Variants in BOC observed in about 807,000 individuals in gnomAD.
BOC encodes brother of CDO.
In BOC, 76 loss-of-function variants were observed where a neutral mutation model predicts 112.0. The ratio of observed to expected loss-of-function variants is 0.68; its 90% CI spans 0.56 to 0.82. BOC has a LOEUF of 0.82. BOC is among the 40% of genes least tolerant of loss of function. The pLI, the probability that BOC is intolerant of heterozygous loss-of-function variation, is 0.00. For missense variants in BOC, 1,309 were observed against 1,511.7 expected (o/e 0.87, Z 2.22); for synonymous variants, 580 against 599.8 (o/e 0.97, Z 0.48).
intron 4 of BOC, among the ~76,000 whole-genome samples, chr3:113,265,047 G>A (rs1295039569): frequency 1.3e-5 from 2 of 152,186 alleles, no homozygotes; most frequent in Non-Finnish European, 2.9e-5. Flanking sequence ...CTCCCCCACT[G>A]CACAGCCTTC....
At chr3:113,280,225 C>T (rs1949065077) in intron 13 of BOC, among the ~76,000 whole-genome samples, 1 of 152,090 alleles carries the variant, frequency 6.6e-6, no homozygotes, top group South Asian at 2.1e-4. Flanking sequence ...CCCCTGACAC[C>T]ACAGGGGATC....
intron 4 of BOC, among the ~76,000 whole-genome samples, chr3:113,254,320 A>C (rs1165393559): frequency 6.6e-6 from 1 of 152,198 alleles, no homozygotes; most frequent in Non-Finnish European, 1.5e-5. Flanking sequence ...TTGAGAGAGC[A>C]GGCATGGGGG....
intron 2 of BOC, among the ~76,000 whole-genome samples, chr3:113,217,197 G>A (rs994891124): frequency 1.3e-5 from 2 of 152,196 alleles, no homozygotes; most frequent in African/African-American, 4.8e-5. Context: ...CTCTAGGGTT[G>A]AAGTGCTTGG....
chr3:113,237,543 T>C (rs1235477741), intron 2 of BOC, among the ~76,000 whole-genome samples: 1 of 152,066 alleles, frequency 6.6e-6, no homozygotes, highest in Non-Finnish European at 1.5e-5. Flanking sequence ...TGGGTGTTCA[T>C]TTTGGAAGAT....
chr3:113,249,684 C>T lies in BOC; in HGVS notation c.-81-38C>T, dbSNP rs1401955879. ...ACCACAGGTGCACCCCAGGCATCCTCATCATGGCCATTGCTCTCCCTTTCT... is the reference window on the plus strand; with the variant it reads ...ACCACAGGTGCACCCCAGGCATCCTTATCATGGCCATTGCTCTCCCTTTCT... On this transcript the variant is annotated intron_variant, in intron 2 of 19. Transcript: ENST00000682979. The T allele has an allele frequency of 1.6e-5, 13 of 791,714 alleles. No homozygotes were observed. The African/African-American group carries it at 2.1e-4, about 13-fold the overall frequency. The allele number at this position is 791,714 out of a possible 1,614,324, so 49.0% of individuals were successfully genotyped here. A position where few individuals can be genotyped will look rare whatever the true frequency, so the allele number is the denominator to read the frequency against.
At chr3:113,245,060 C>G (rs1394398663) in intron 2 of BOC, among the ~76,000 whole-genome samples, 1 of 152,240 alleles carries the variant, frequency 6.6e-6, no homozygotes. Flanking sequence ...TTATTCATAA[C>G]ACTCAAAACA....
chr3:113,273,539 A>T (rs1948363972), intron 8 of BOC, among the ~76,000 whole-genome samples, 198 bp downstream of exon 8: 1 of 152,198 alleles, frequency 6.6e-6, no homozygotes, highest in African/African-American at 2.4e-5. Flanking sequence ...GCTGTATTTT[A>T]AAAAAATATT....
At chr3:113,270,738 G>T in intron 5 of BOC, 63 bp from the exon 6 acceptor site, 2 of 1,525,886 alleles carry the variant, frequency 1.3e-6, no homozygotes, top group Non-Finnish European at 1.8e-6. Context: ...CTCCTTTGTG[G>T]AAGCTGCAGA....
intron 1 of BOC, among the ~76,000 whole-genome samples, chr3:113,214,791 A>G (rs1939019927): frequency 6.6e-6 from 1 of 152,258 alleles, no homozygotes. Context: ...TCCATACTTC[A>G]ATTCAGCAAA....
rs1440897818 is a variant in BOC, at chr3:113,278,523, C to T, written c.1706-150C>T. 10 of 783,960 alleles carry T rather than the reference C, an allele frequency of 1.3e-5. No individual in the cohort carries two copies. Among genetic ancestry groups the T allele is most frequent in the South Asian group, 3.4e-5 (2 of 58,722 alleles). The allele number at this position is 783,960 out of a possible 1,614,324, so 48.6% of individuals were successfully genotyped here. A position where few individuals can be genotyped will look rare whatever the true frequency, so the allele number is the denominator to read the frequency against. ...GTACCACAACAGAACCAGTCTCGGCCGAGGCTGAGCCCACACCCTCAGTGC... is the reference window on the plus strand; with the variant it reads ...GTACCACAACAGAACCAGTCTCGGCTGAGGCTGAGCCCACACCCTCAGTGC... On this transcript the variant is annotated intron_variant, in intron 10 of 19. Transcript: ENST00000682979. This position sits in a 1 kb window ranked among gnomAD's most constrained non-coding sequence, Gnocchi z 4.2.
chr3:113,223,845 C>T (rs1309417484), intron 2 of BOC, among the ~76,000 whole-genome samples: 1 of 152,228 alleles, frequency 6.6e-6, no homozygotes, highest in Non-Finnish European at 1.5e-5. Context: ...TGCGCTGAGA[C>T]CCCTCGCCCG....
chr3:113,229,212 G>A (rs1942193041), intron 2 of BOC, among the ~76,000 whole-genome samples: 1 of 152,198 alleles, frequency 6.6e-6, no homozygotes, highest in South Asian at 2.1e-4. Flanking sequence ...TTTACAGCTG[G>A]TTTCAGTGGA....
chr3:113,241,759 G>A (rs1294640146), intron 2 of BOC, among the ~76,000 whole-genome samples: 1 of 152,240 alleles, frequency 6.6e-6, no homozygotes, highest in African/African-American at 2.4e-5. Flanking sequence ...GCATGCAGCA[G>A]ATTAGGGTAG....
rs1267667787 is a variant in BOC, at chr3:113,250,760, G to A, written c.303G>A (p.Val101=). 4.3e-6 allele frequency: 7 copies of A among 1,614,166 alleles called. No homozygotes were observed. In the African/African-American group the frequency reaches 9.3e-5, roughly 22 times the overall value. ...LVITALNNHT[V]GRYQCVARMP... is the part of the protein sequence containing the mutation. ...TCACTGCCCTTAACAACCACACTGT[G>A]GGACGGTACCAGTGTGTGGCCCGGA... Residue 101 remains valine (V), a synonymous_variant, in exon 4 of 20, where the codon GTG becomes GTA. Transcript: ENST00000682979.
At chr3:113,237,910 T>C (rs1263175211) in intron 2 of BOC, among the ~76,000 whole-genome samples, 1 of 152,232 alleles carries the variant, frequency 6.6e-6, no homozygotes, top group Non-Finnish European at 1.5e-5. Flanking sequence ...GTGCCAAGGC[T>C]TTTCTAGGTG....
In BOC at chr3:113,284,454, A is replaced by T. The variant is rs1219006375; in HGVS notation, c.2776A>T (p.Ile926Phe). 8.7e-6 allele frequency: 14 copies of T among 1,614,138 alleles called. No individual in the cohort carries two copies. Among genetic ancestry groups the T allele is most frequent in the Non-Finnish European group, 1.2e-5 (14 of 1,180,052 alleles). ...QASGQPYLSG[I>F]SGRACANGIH... ...CAGTGGACAGCCCTACCTCAGTGGC[A>T]TCAGTGGACGGGCCTGTGCTAATGG... The change falls in exon 17 of 20, where the codon ATC becomes TTC. Residue 926 changes from isoleucine to phenylalanine, a missense_variant. Coordinates refer to ENST00000682979, the MANE Select transcript of BOC (RefSeq NM_001378074.1).
At chr3:113,239,508 T>A (rs1678937262) in intron 2 of BOC, among the ~76,000 whole-genome samples, 1 of 152,220 alleles carries the variant, frequency 6.6e-6, no homozygotes, top group Admixed American at 6.5e-5. Flanking sequence ...TAGACTAGAG[T>A]AACTGTCCCT....
intron 2 of BOC, among the ~76,000 whole-genome samples, chr3:113,234,892 TC>T (rs1943213861): frequency 1.3e-5 from 2 of 152,234 alleles, no homozygotes; most frequent in South Asian, 4.1e-4. Context: ...GCTTGCTCCC[TC>T]GAGCGCTTCC....
chr3:113,224,368 C>T (rs1283911128), intron 2 of BOC, among the ~76,000 whole-genome samples: 9 of 152,104 alleles, frequency 5.9e-5, no homozygotes, highest in Non-Finnish European at 8.8e-5. Context: ...GAGTCAGCCT[C>T]GAAGACTAGG....
Sources: allele counts gnomAD v4.1 joint callset (sites outside exome capture counted in the v4.1 genomes callset), GRCh38; gene constraint gnomAD v4.1.1; non-coding constraint Gnocchi (gnomAD v3.1); transcripts MANE v1.5; gene names NCBI Gene and HGNC (gene_info 2026-07-23, HGNC 2026-07-21).